Variants in PLCB4 observed in about 807,000 individuals in gnomAD.
PLCB4 encodes phospholipase C beta 4, also known as 1-phosphatidylinositol 4,5-bisphosphate phosphodiesterase beta-4.
A neutral mutation model predicts 178.8 loss-of-function variants in PLCB4; 77 were observed. That is an observed-to-expected ratio of 0.43 (90% confidence interval 0.36 to 0.52). The LOEUF (loss-of-function observed/expected upper bound fraction) is 0.52. PLCB4 is among the 20% of genes least tolerant of loss of function. The probability of loss-of-function intolerance (pLI) is 0.00; values close to 1 mark genes in which losing one functional copy is unlikely to be tolerated. For synonymous variants in PLCB4, 496 were observed against 490.8 expected (o/e 1.01, Z -0.14); for missense variants, 1,024 against 1,453.4 (o/e 0.70, Z 4.80).
intron 2 of PLCB4, among the ~76,000 whole-genome samples, chr20:9,125,567 C>T (rs191689619): frequency 1.3e-5 from 2 of 152,068 alleles, no homozygotes; most frequent in Admixed American, 1.3e-4. Flanking sequence ...ATAAGAATCT[C>T]TTTATATATG....
intron 4 of PLCB4, among the ~76,000 whole-genome samples, chr20:9,336,141 A>G (rs1179346898): frequency 2.0e-5 from 3 of 152,186 alleles, no homozygotes; most frequent in African/African-American, 7.2e-5. Flanking sequence ...GCTGGCATTG[A>G]AATGATCTAG....
rs1450219715 is a variant in PLCB4 at position 9,186,603 on chromosome 20, C to T, written c.-78-30787C>T. Among the ~76,000 whole-genome samples, 9 of 152,274 alleles carry T rather than the reference C, an allele frequency of 5.9e-5. No homozygotes were observed. In the East Asian group the frequency reaches 9.7e-4, roughly 16 times the overall value. On this transcript the variant is annotated intron_variant, in intron 2 of 39. Transcript: ENST00000378473. The stretch of plus-strand genomic sequence containing the variant: ...CACTTCTTTGTCTTTCCTGTCTGGC[C>T]GTTTTTGTGCCTTCTGGGTGTGAAC...
At position 9,380,140 on chromosome 20, in the gene PLCB4, TG is replaced by T; in HGVS notation, c.832del (p.Asp278MetfsTer4). ...TGCAGATCATTGAGATGTATGAACCTGATGAAGATTTGAAGAAAAAAGGTAA... is the reference window on the plus strand; with the variant it reads ...TGCAGATCATTGAGATGTATGAACCTATGAAGATTTGAAGAAAAAAGGTAA... The part of the protein sequence containing the change: ...AMQIIEMYEP[D>X]EDLKKKGLIS... On this transcript the variant is annotated frameshift_variant, in exon 13 of 40. Coordinates refer to ENST00000378473, the MANE Select transcript of PLCB4 (RefSeq NM_001377142.1). LOFTEE classifies it high-confidence loss of function. 6.5e-7 allele frequency: 1 copy of T among 1,535,484 alleles called. No homozygotes were observed. Among genetic ancestry groups the T allele is most frequent in the Non-Finnish European group, 8.9e-7 (1 of 1,128,962 alleles).
At chr20:9,388,724 C>T (rs1460419653) in intron 15 of PLCB4, among the ~76,000 whole-genome samples, 1 of 151,568 alleles carries the variant, frequency 6.6e-6, no homozygotes, top group Non-Finnish European at 1.5e-5. Flanking sequence ...AAAAAACACA[C>T]ATACACACAC....
At chr20:9,254,984 C>A (rs924257107) in intron 3 of PLCB4, among the ~76,000 whole-genome samples, 38 of 152,092 alleles carry the variant, frequency 2.5e-4, no homozygotes, top group African/African-American at 9.2e-4. Flanking sequence ...AATTTTGATT[C>A]TTCTGCAATC....
intron 7 of PLCB4, among the ~76,000 whole-genome samples, chr20:9,360,267 C>T (rs1602096369): frequency 6.6e-6 from 1 of 152,172 alleles, no homozygotes; most frequent in African/African-American, 2.4e-5. Flanking sequence ...AAGCATGGGC[C>T]CTGTCACTGG....
At position 9,408,020 on chromosome 20, in the gene PLCB4, C is replaced by T; in HGVS notation, c.1751C>T (p.Ala584Val). Residue 584 changes from alanine (A) to valine (V), a missense_variant, in exon 22 of 40, where the codon GCC (alanine) becomes GTC (valine). By Grantham distance (64) the Ala-to-Val change is moderately conservative. This residue lies in a region of PLCB4 where 263 missense variants were observed against 417.4 expected (regional missense o/e 0.63). Coordinates refer to ENST00000378473, the MANE Select transcript of PLCB4 (RefSeq NM_001377142.1). ...HPYLSTMINY[A>V]QPVKFQGFHV... ...TATTTGTCCACAATGATCAACTACG[C>T]CCAGCCTGTAAAGTTTCAAGGTTTC... is the stretch of plus-strand genomic sequence containing the variant. The T allele has an allele frequency of 6.2e-7, 1 of 1,613,572 alleles. No homozygotes were observed. The highest frequency in any genetic ancestry group is 8.5e-7 in the Non-Finnish European group (1 of 1,179,556).
intron 2 of PLCB4, among the ~76,000 whole-genome samples, chr20:9,124,564 A>G (rs1048003992): frequency 2.0e-5 from 3 of 152,184 alleles, no homozygotes; most frequent in Non-Finnish European, 4.4e-5. Context: ...AAAGGCAAAT[A>G]AAGAAAATAC....
At position 9,390,590 on chromosome 20, in the gene PLCB4, T is replaced by C; in HGVS notation, c.1298T>C (p.Leu433Ser). Residue 433 changes from leucine (L) to serine (S), a missense_variant, in exon 17 of 40, where the codon TTG becomes TCG. By Grantham distance (145) the Leu-to-Ser change is moderately radical. Transcript: ENST00000378473. ...YCEDLFGDLLLKQALESHPLE... is the reference protein window; with the variant it reads ...YCEDLFGDLLSKQALESHPLE... ...GAAGATCTATTTGGGGATCTCCTGT[T>C]GAAACAAGCACTTGAATCACATCCA... The C allele has an allele frequency of 6.4e-7, 1 of 1,552,910 alleles. No homozygotes were observed. The highest frequency in any genetic ancestry group is 1.1e-5 in the South Asian group (1 of 89,808).
At chr20:9,247,410 A>G (rs868180713) in intron 3 of PLCB4, among the ~76,000 whole-genome samples, 50 of 152,336 alleles carry the variant, frequency 3.3e-4, no homozygotes, top group Non-Finnish European at 5.4e-4. Flanking sequence ...GAACACTTGC[A>G]TGTATAACAT....
chr20:9,238,689 G>A (rs754268285), intron 3 of PLCB4, among the ~76,000 whole-genome samples: 2 of 152,196 alleles, frequency 1.3e-5, no homozygotes, highest in South Asian at 4.1e-4. Flanking sequence ...TTTCCATGCT[G>A]TAAATAAATG....
intron 2 of PLCB4, among the ~76,000 whole-genome samples, chr20:9,110,381 ATGTCT>A (rs1181406647): frequency 6.6e-6 from 1 of 152,190 alleles, no homozygotes; most frequent in Non-Finnish European, 1.5e-5. Context: ...ATTCATAAAA[ATGTCT>A]TGTAAGCTAT....
intron 25 of PLCB4, among the ~76,000 whole-genome samples, chr20:9,419,569 GA>G (rs2040483519): frequency 6.6e-6 from 1 of 152,122 alleles, no homozygotes; most frequent in Non-Finnish European, 1.5e-5. Flanking sequence ...GTGACCAGGG[GA>G]TAAAAAAGTT....
chr20:9,232,878 G>T (rs2093948546), intron 3 of PLCB4, among the ~76,000 whole-genome samples: 1 of 152,112 alleles, frequency 6.6e-6, no homozygotes, highest in African/African-American at 2.4e-5. Context: ...GTCTCCGATA[G>T]TTTAAAAGAT....
chr20:9,449,223 C>T (rs1696994624), intron 32 of PLCB4, among the ~76,000 whole-genome samples: 6 of 152,132 alleles, frequency 3.9e-5, no homozygotes, highest in Admixed American at 3.9e-4. Flanking sequence ...TCCAGAGCTG[C>T]AGTTACTTTC....
chr20:9,462,525 G>C (rs1333480236), intron 35 of PLCB4, among the ~76,000 whole-genome samples: 4 of 152,142 alleles, frequency 2.6e-5, no homozygotes, highest in Non-Finnish European at 5.9e-5. Flanking sequence ...TTGAAAAAAG[G>C]CTAGATGAAT....
chr20:9,133,764 T>C (rs117786831), intron 2 of PLCB4, among the ~76,000 whole-genome samples: 3,157 of 152,276 alleles, frequency 0.021, 48 homozygotes, highest in Non-Finnish European at 0.031. Flanking sequence ...GGTGAATCAT[T>C]CCCATGGAGG....
At chr20:9,304,119 T>C (rs1186210556) in intron 3 of PLCB4, among the ~76,000 whole-genome samples, 1 of 151,786 alleles carries the variant, frequency 6.6e-6, no homozygotes, top group Non-Finnish European at 1.5e-5. Context: ...TATTTTTTTT[T>C]TTTTGGCTAC....
intron 1 of PLCB4, among the ~76,000 whole-genome samples, chr20:9,073,596 A>G (rs1369476641): frequency 1.3e-5 from 2 of 152,178 alleles, no homozygotes; most frequent in African/African-American, 2.4e-5. Flanking sequence ...TAAACATATT[A>G]TGCTGGGCCA....
Sources: gnomAD v4.1 joint callset for allele counts (sites outside exome capture counted in the v4.1 genomes callset) on GRCh38, gnomAD v4.1.1 for gene constraint, gnomAD v4.1.1 regional missense constraint, MANE v1.5 for transcripts, NCBI Gene and HGNC (gene_info 2026-07-23, HGNC 2026-07-21) for gene names.